The following LINGO1 variants were observed in gnomAD, a reference collection of about 807,000 sequenced individuals.
LINGO1 encodes the protein leucine-rich repeat and immunoglobulin-like domain-containing nogo receptor-interacting protein 1.
Under a neutral mutation model 37.3 loss-of-function variants are expected in LINGO1, and 11 were observed. That is an observed-to-expected ratio of 0.29 (90% CI 0.19 to 0.49). The LOEUF (loss-of-function observed/expected upper bound fraction) is 0.49, where lower values mean the gene tolerates loss of function less well. Among genes scored for constraint, LINGO1 ranks in the 20% least tolerant of loss-of-function variants. The pLI is 0.99. For missense variants in LINGO1, 585 were observed against 878.2 expected, an observed-to-expected ratio of 0.67 and a Z score of 4.22; for synonymous variants, 387 against 403.0, an observed-to-expected ratio of 0.96 and a Z score of 0.48.
At chr15:77,721,720 G>A (rs1254643239) in intron 2 of LINGO1, among the ~76,000 whole-genome samples, 1 of 152,164 alleles carries the variant, frequency 6.6e-6, no homozygotes, top group Non-Finnish European at 1.5e-5. Context: ...AGGAAGACAG[G>A]AGCACCTCCT....
At chr15:77,751,762 G>A (rs1778889762) in intron 1 of LINGO1, among the ~76,000 whole-genome samples, 1 of 152,232 alleles carries the variant, frequency 6.6e-6, no homozygotes, top group Admixed American at 6.5e-5. Flanking sequence ...CCTGGGAGAA[G>A]TTAGGGAAGA....
intron 2 of LINGO1, among the ~76,000 whole-genome samples, chr15:77,733,159 C>G (rs760621052): frequency 1.3e-5 from 2 of 152,184 alleles, no homozygotes; most frequent in African/African-American, 4.8e-5. Context: ...CTCACTGAAC[C>G]GAGTGGGGCT....
intron 1 of LINGO1, among the ~76,000 whole-genome samples, chr15:77,805,499 C>T (rs938455647): frequency 6.6e-6 from 1 of 152,198 alleles, no homozygotes; most frequent in Admixed American, 6.5e-5. Context: ...CTGGGCCTGC[C>T]GTGGAAGGAC....
chr15:77,782,603 T>C (rs1030728870), intron 1 of LINGO1, among the ~76,000 whole-genome samples: 2 of 152,050 alleles, frequency 1.3e-5, no homozygotes, highest in African/African-American at 4.8e-5. Context: ...CTGCGCCATA[T>C]TCCCCATCTC....
chr15:77,615,775 G>T lies in LINGO1; in HGVS notation c.132C>A (p.Pro44=). ...VLSGSATGCP[P]RCECSAQDRA... is the part of the protein sequence containing the mutation. ...GGTCCTGGGCGGAGCACTCGCAGCGGGGCGGGCAGCCCGTGGCCGAGCCTG... is the reference window on the plus strand; with the variant it reads ...GGTCCTGGGCGGAGCACTCGCAGCGTGGCGGGCAGCCCGTGGCCGAGCCTG... Residue 44 remains proline (P), a synonymous_variant, in exon 2 of 2, where the codon CCC becomes CCA. Transcript: ENST00000355300. The T allele has an allele frequency of 6.4e-7, 1 of 1,574,290 alleles. No homozygotes were observed. The highest frequency in any genetic ancestry group is 1.8e-5 in the Admixed American group (1 of 56,308).
chr15:77,791,662 C>T (rs1030994447), upstream of LINGO1, among the ~76,000 whole-genome samples: 1 of 151,988 alleles, frequency 6.6e-6, no homozygotes, highest in Admixed American at 6.6e-5. Context: ...TGCAGTAGTC[C>T]CCACTAGTAG....
chr15:77,773,933 T>C (rs1377882796), intron 1 of LINGO1, among the ~76,000 whole-genome samples: 2 of 151,806 alleles, frequency 1.3e-5, no homozygotes, highest in African/African-American at 4.8e-5. Context: ...ACAAACAACA[T>C]CTCTCCTCAG....
At chr15:77,625,675 AAAGTCCCGC>A (rs535197307) in intron 1 of LINGO1, among the ~76,000 whole-genome samples, 14 of 152,214 alleles carry the variant, frequency 9.2e-5, no homozygotes, top group Non-Finnish European at 1.8e-4. Context: ...CACCTTGCCT[AAAGTCCCGC>A]AGTGATGAGT....
chr15:77,663,467 G>T (rs1253707302), intron 3 of LINGO1, among the ~76,000 whole-genome samples: 1 of 152,182 alleles, frequency 6.6e-6, no homozygotes. Context: ...CCTGGACTTT[G>T]GTCCTGTCTA....
At chr15:77,789,936 T>A (rs1365670316), upstream of LINGO1, among the ~76,000 whole-genome samples, 1 of 152,098 alleles carries the variant, frequency 6.6e-6, no homozygotes, top group African/African-American at 2.4e-5. Flanking sequence ...CACGACCAGC[T>A]ATTTTTTTTA....
At chr15:77,807,427 C>T (rs747247077) in intron 1 of LINGO1, among the ~76,000 whole-genome samples, 4 of 152,178 alleles carry the variant, frequency 2.6e-5, no homozygotes, top group South Asian at 2.1e-4. Context: ...GGCTCTGTCC[C>T]GGGTGCAGCA....
Position 77,751,722 on chromosome 15 carries a change from C to A in LINGO1, c.-256-16669G>T, listed in dbSNP as rs58711165. 8.5e-3 allele frequency among the ~76,000 whole-genome samples: 1,298 copies of A among 152,296 alleles called. 22 individuals carry two copies. The highest frequency in any genetic ancestry group is 0.03 in the African/African-American group (1,247 of 41,556). On this transcript the variant is annotated intron_variant, in intron 1 of 3. Transcript: ENST00000561686. Reference sequence around the variant, plus strand: ...CAAATGCTTTTGCCTTTGAATCCAGCCATTCAACTGGCCCCACTGCCTCCC... The same window carrying A: ...CAAATGCTTTTGCCTTTGAATCCAGACATTCAACTGGCCCCACTGCCTCCC...
rs1355280034 is a variant in LINGO1 at position 77,623,961 on chromosome 15, CTGTGTGTGTGGCCTGTG to C, written c.7-8078_7-8062del. On this transcript the variant is annotated intron_variant, in intron 1 of 1. Coordinates refer to ENST00000355300, the MANE Select transcript of LINGO1 (RefSeq NM_032808.7). ...TGTATGTGTGGTGTGTAAGCAGTCT[CTGTGTGTGTGGCCTGTG>C]TGTGTGTGTGATGTGTGTGAGTGGC... Among the ~76,000 whole-genome samples, 12 of 143,988 alleles carry C rather than the reference CTGTGTGTGTGGCCTGTG, an allele frequency of 8.3e-5. No homozygotes were observed. The South Asian group carries it at 2.7e-3, about 32-fold the overall frequency. 94.5% of individuals were successfully genotyped at this position (143,988 alleles called of 152,430 possible).
chr15:77,629,395 C>G (rs2074187721), intron 1 of LINGO1, among the ~76,000 whole-genome samples: 1 of 152,230 alleles, frequency 6.6e-6, no homozygotes, highest in African/African-American at 2.4e-5. Flanking sequence ...TTCTCACACT[C>G]TTTCTACAAA....
chr15:77,668,671 G>C (rs1051147797), intron 3 of LINGO1, among the ~76,000 whole-genome samples: 4 of 151,950 alleles, frequency 2.6e-5, no homozygotes, highest in African/African-American at 7.2e-5. Flanking sequence ...CTAGAAATAG[G>C]CAAGCACACA....
intron 1 of LINGO1, among the ~76,000 whole-genome samples, chr15:77,764,381 T>C (rs2076506334): frequency 6.6e-6 from 1 of 152,062 alleles, no homozygotes; most frequent in Non-Finnish European, 1.5e-5. Flanking sequence ...CAAAAGACAT[T>C]ACAACGGGAA....
chr15:77,812,573 CAG>C (rs2077014286), intron 1 of LINGO1, among the ~76,000 whole-genome samples: 1 of 152,204 alleles, frequency 6.6e-6, no homozygotes. Flanking sequence ...GGGTCACAGA[CAG>C]GGGGGCTTGC....
At chr15:77,630,981 G>C (rs2074237884) in intron 1 of LINGO1, among the ~76,000 whole-genome samples, 1 of 152,242 alleles carries the variant, frequency 6.6e-6, no homozygotes, top group Non-Finnish European at 1.5e-5. Flanking sequence ...CCTTCCCAGA[G>C]GCGTGAGGAT....
chr15:77,753,033 C>CA (rs2076386721), intron 1 of LINGO1, among the ~76,000 whole-genome samples: 1 of 152,246 alleles, frequency 6.6e-6, no homozygotes, highest in African/African-American at 2.4e-5. Flanking sequence ...ACAGACACCA[C>CA]AAAATCAAGC....
Sources: allele counts gnomAD v4.1 joint callset (sites outside exome capture counted in the v4.1 genomes callset), GRCh38; gene constraint gnomAD v4.1.1; transcripts MANE v1.5; gene names NCBI Gene and HGNC (gene_info 2026-07-23, HGNC 2026-07-21).